Variants in SORCS2 observed in about 807,000 individuals in gnomAD.
SORCS2 encodes the protein VPS10 domain-containing receptor SorCS2.
SORCS2 carries 100 observed loss-of-function variants against 141.6 expected under a neutral mutation model. The observed-to-expected ratio is 0.71, with a 90% CI of 0.60 to 0.83. The LOEUF is 0.83. Ranked by LOEUF, SORCS2 falls within the 40% of genes least tolerant of loss-of-function variation. SORCS2 has a pLI of 0.00. For synonymous variants in SORCS2, 789 were observed against 676.9 expected, an observed-to-expected ratio of 1.17 and a Z score of -2.57; for missense variants, 1,646 against 1,560.2, an observed-to-expected ratio of 1.05 and a Z score of -0.93.
rs114321627 is a variant in SORCS2, at chr4:7,562,313, C to G, written c.648+30684C>G. On this transcript the variant is annotated intron_variant, in intron 3 of 26. Coordinates refer to ENST00000507866, the MANE Select transcript of SORCS2 (RefSeq NM_020777.3). ...CATGAGCTGTGATCAGCTGCGTACA[C>G]AAAGGCCCTGAGGCAAAAAAAAGGT... 2.5e-3 allele frequency among the ~76,000 whole-genome samples: 366 copies of G among 148,280 alleles called. 3 individuals are homozygous for G. The highest frequency in any genetic ancestry group is 8.6e-3 in the African/African-American group (342 of 39,938).
intron 4 of SORCS2, among the ~76,000 whole-genome samples, chr4:7,646,306 G>C (rs1057353641): frequency 6.6e-6 from 1 of 152,250 alleles, no homozygotes; most frequent in African/African-American, 2.4e-5. Context: ...TCAGGGGTGG[G>C]GGTGGAAGGT....
intron 21 of SORCS2, among the ~76,000 whole-genome samples, chr4:7,727,645 C>A (rs1298178607): frequency 1.3e-5 from 2 of 152,330 alleles, no homozygotes; most frequent in South Asian, 2.1e-4. Flanking sequence ...GGGCTGGGAG[C>A]TTTGCAAATG....
chr4:7,359,552 G>A (rs3894739), intron 1 of SORCS2, among the ~76,000 whole-genome samples: 2 of 151,936 alleles, frequency 1.3e-5, no homozygotes, highest in African/African-American at 4.8e-5. Flanking sequence ...CTGGGCCGAC[G>A]TCCTTGTCTG....
At chr4:7,434,496 A>C in intron 2 of SORCS2, 2 of 1,612,236 alleles carry the variant, frequency 1.2e-6, no homozygotes, top group Non-Finnish European at 1.7e-6. Context: ...GTGCCGGGGC[A>C]CTGTCCGGGG....
At chr4:7,477,932 G>A (rs575220443) in intron 2 of SORCS2, among the ~76,000 whole-genome samples, 3 of 152,324 alleles carry the variant, frequency 2.0e-5, no homozygotes, top group Middle Eastern at 3.4e-3. Context: ...CAAAGTCATC[G>A]TGTTGGCTAT....
At chr4:7,557,776 T>A (rs1275409163) in intron 3 of SORCS2, among the ~76,000 whole-genome samples, 2 of 152,186 alleles carry the variant, frequency 1.3e-5, no homozygotes, top group Non-Finnish European at 2.9e-5. Context: ...AGACTTGGCC[T>A]GCCCCGATGT....
chr4:7,462,125 T>C (rs2109325679), intron 2 of SORCS2, among the ~76,000 whole-genome samples: 1 of 152,320 alleles, frequency 6.6e-6, no homozygotes, highest in Admixed American at 6.5e-5. Flanking sequence ...GAGCCCGGCC[T>C]GTGTGCTTCG....
chr4:7,733,421 G>C lies in SORCS2; in HGVS notation c.3208G>C (p.Gly1070Arg). 1 of 1,581,590 alleles carries C rather than the reference G, an allele frequency of 6.3e-7. No individual in the cohort carries two copies. The highest frequency in any genetic ancestry group is 1.2e-5 in the South Asian group (1 of 86,226). Residue 1070 changes from glycine to arginine, a missense_variant and splice_region_variant, in exon 24 of 27, where the codon GGT becomes CGT. By Grantham distance (125) the Gly-to-Arg change is moderately radical. Transcript: ENST00000507866. ...GGTGGCCCTGCGGGACACAGGCACA[G>C]GTGAGCCACTGGGAGCTCCCCTGCG... Reference protein sequence around the residue: ...VLVALRDTGTGAEQLGGGGGY... With the variant: ...VLVALRDTGTRAEQLGGGGGY...
chr4:7,700,060 C>T (rs1242555960), intron 12 of SORCS2, among the ~76,000 whole-genome samples: 5 of 152,158 alleles, frequency 3.3e-5, no homozygotes, highest in South Asian at 4.2e-4. Context: ...CCAGGGCTCC[C>T]GCCCCAGCCA....
intron 3 of SORCS2, among the ~76,000 whole-genome samples, chr4:7,601,960 C>T (rs1257019263): frequency 6.6e-6 from 1 of 152,174 alleles, no homozygotes; most frequent in East Asian, 1.9e-4. Flanking sequence ...GGACACAGCA[C>T]ATGTTTCAGA....
chr4:7,479,522 A>T (rs1292195157), intron 2 of SORCS2, among the ~76,000 whole-genome samples: 1 of 152,232 alleles, frequency 6.6e-6, no homozygotes, highest in Non-Finnish European at 1.5e-5. Flanking sequence ...GCCCTGAGGC[A>T]TTAGCCCCTT....
chr4:7,256,570 C>A (rs924629465), intron 1 of SORCS2, among the ~76,000 whole-genome samples: 4 of 151,766 alleles, frequency 2.6e-5, no homozygotes, highest in South Asian at 2.1e-4. Flanking sequence ...TTGCTAGGAA[C>A]TGGGGGATTA....
In SORCS2 at chr4:7,704,247, C is replaced by T. The variant is rs1725270026; in HGVS notation, c.1831C>T (p.Leu611=). Residue 611 remains leucine (L), a synonymous_variant, in exon 14 of 27, where the codon CTG becomes TTG. Coordinates refer to ENST00000507866, the MANE Select transcript of SORCS2 (RefSeq NM_020777.3). Reference sequence around the variant, plus strand: ...CAGCACCTCGGTGTTTGTGGACGGGCTGCTGAGTGAGCCAGGGGACGAGAC... The same window carrying T: ...CAGCACCTCGGTGTTTGTGGACGGGTTGCTGAGTGAGCCAGGGGACGAGAC... ...FTSTSVFVDG[L]LSEPGDETLV... is the part of the protein sequence containing the mutation. The T allele has an allele frequency of 6.2e-7, 1 of 1,612,768 alleles. No individual in the cohort carries two copies. Among genetic ancestry groups the T allele is most frequent in the African/African-American group, 1.3e-5 (1 of 74,918 alleles).
At chr4:7,561,511 T>TCCATTTATCTACCATCCATTCATCTAC (rs1560387299) in intron 3 of SORCS2, among the ~76,000 whole-genome samples, 61 of 135,782 alleles carry the variant, frequency 4.5e-4, no homozygotes, top group African/African-American at 1.9e-3. Context: ...CATCCATCTA[T>TCCATTTATCTACCATCCATTCATCTAC]CCATCCATCT....
At chr4:7,461,794 A>G (rs947664973) in intron 2 of SORCS2, among the ~76,000 whole-genome samples, 1 of 151,972 alleles carries the variant, frequency 6.6e-6, no homozygotes. Context: ...CTGCTGCCCA[A>G]AATATGGCCT....
intron 12 of SORCS2, 110 bp from the exon 13 acceptor site, chr4:7,703,170 C>A: frequency 1.2e-6 from 1 of 858,178 alleles, no homozygotes; most frequent in Non-Finnish European, 1.8e-6. Flanking sequence ...TGGCCTCTGC[C>A]AACAACCCCC....
At chr4:7,554,930 G>C (rs1327169913) in intron 3 of SORCS2, among the ~76,000 whole-genome samples, 1 of 152,182 alleles carries the variant, frequency 6.6e-6, no homozygotes, top group Admixed American at 6.5e-5. Context: ...AAGTAGGGCA[G>C]GTGAAGTCCA....
At position 7,567,868 on chromosome 4, in the gene SORCS2, C is replaced by T. The variant is rs149186044; in HGVS notation, c.648+36239C>T. Among the ~76,000 whole-genome samples, 558 of 152,312 alleles carry T rather than the reference C, an allele frequency of 3.7e-3. 18 individuals are homozygous for T. The highest frequency in any genetic ancestry group is 0.034 in the Admixed American group (518 of 15,302). ...ATGAATATTTATTTTCTCCTTTCAGCTATAATCCAATAGTACCTTATTTTA... is the reference window on the plus strand; with the variant it reads ...ATGAATATTTATTTTCTCCTTTCAGTTATAATCCAATAGTACCTTATTTTA... On this transcript the variant is annotated intron_variant, in intron 3 of 26. Coordinates refer to ENST00000507866, the MANE Select transcript of SORCS2 (RefSeq NM_020777.3).
chr4:7,685,816 G>C (rs568959624), intron 10 of SORCS2, among the ~76,000 whole-genome samples: 1 of 152,284 alleles, frequency 6.6e-6, no homozygotes, highest in Admixed American at 6.5e-5. Context: ...CCTCCTGACT[G>C]TGTCCCTCCT....
Sources: gnomAD v4.1 joint callset for allele counts (sites outside exome capture counted in the v4.1 genomes callset) on GRCh38, gnomAD v4.1.1 for gene constraint, MANE v1.5 for transcripts, NCBI Gene and HGNC (gene_info 2026-07-23, HGNC 2026-07-21) for gene names.